The following RCAN2 variants were observed in gnomAD, a reference collection of about 807,000 sequenced individuals.
RCAN2 encodes the protein calcipressin-2.
RCAN2 carries 9 observed loss-of-function variants against 23.6 expected under a neutral mutation model. That is an observed-to-expected ratio of 0.38 (90% confidence interval 0.23 to 0.67). The LOEUF (loss-of-function observed/expected upper bound fraction) is 0.67. RCAN2 is among the 30% of genes least tolerant of loss of function. The pLI is 0.51. For missense variants in RCAN2, 273 were observed against 302.3 expected, an observed-to-expected ratio of 0.90 and a Z score of 0.72; for synonymous variants, 109 against 115.7, an observed-to-expected ratio of 0.94 and a Z score of 0.37.
In RCAN2 at chr6:46,350,145, T is replaced by G. The variant is rs966761053; in HGVS notation, c.226-101249A>C. ...CCACGAGGGCAGGAACAATGATGGT[T>G]ACTGTCAGTGCAGCATCCCCAGCAA... On this transcript the variant is annotated intron_variant, in intron 2 of 4. Transcript: ENST00000371374. 2.6e-5 allele frequency among the ~76,000 whole-genome samples: 4 copies of G among 152,342 alleles called. No individual in the cohort carries two copies. In the East Asian group the frequency reaches 5.8e-4, roughly 22 times the overall value.
intron 2 of RCAN2, among the ~76,000 whole-genome samples, chr6:46,326,381 C>T (rs1446799059): frequency 3.3e-5 from 5 of 152,206 alleles, no homozygotes; most frequent in Admixed American, 6.5e-5. Context: ...ACTGATGTGT[C>T]TCAGAGCTTG....
intron 2 of RCAN2, among the ~76,000 whole-genome samples, chr6:46,421,318 G>A (rs1285547306): frequency 6.6e-6 from 1 of 152,122 alleles, no homozygotes; most frequent in Non-Finnish European, 1.5e-5. Context: ...CTGGGGCAGT[G>A]GGAACAACTG....
At chr6:46,353,384 T>C (rs527341857) in intron 2 of RCAN2, among the ~76,000 whole-genome samples, 2 of 152,262 alleles carry the variant, frequency 1.3e-5, no homozygotes, top group South Asian at 4.2e-4. Flanking sequence ...GAACTTGAGA[T>C]ACCAGTATCT....
intron 4 of RCAN2, among the ~76,000 whole-genome samples, chr6:46,236,774 T>C (rs1173948114): frequency 1.3e-5 from 2 of 152,240 alleles, no homozygotes. Flanking sequence ...ATCTATCCTC[T>C]TATCAGCATT....
At chr6:46,278,578 C>G (rs909853521) in intron 2 of RCAN2, among the ~76,000 whole-genome samples, 1 of 152,218 alleles carries the variant, frequency 6.6e-6, no homozygotes, top group African/African-American at 2.4e-5. Context: ...CTATAAACCA[C>G]TTTCCATTAT....
chr6:46,406,705 T>G (rs1766415718), intron 2 of RCAN2, among the ~76,000 whole-genome samples: 1 of 152,256 alleles, frequency 6.6e-6, no homozygotes, highest in Admixed American at 6.5e-5. Context: ...CAGTGAACAC[T>G]TTGAAAGACC....
intron 2 of RCAN2, among the ~76,000 whole-genome samples, chr6:46,272,301 A>G (rs1268099125): frequency 2.0e-5 from 3 of 152,212 alleles, no homozygotes; most frequent in Non-Finnish European, 4.4e-5. Flanking sequence ...AGGGCGTTCT[A>G]CTTCTACCTG....
chr6:46,228,787 T>C (rs1387352280), intron 4 of RCAN2, among the ~76,000 whole-genome samples: 1 of 152,226 alleles, frequency 6.6e-6, no homozygotes, highest in East Asian at 1.9e-4. Flanking sequence ...TTAACATTGT[T>C]ATGTGTGAAT....
intron 2 of RCAN2, among the ~76,000 whole-genome samples, chr6:46,386,084 A>G (rs1283991769): frequency 2.0e-5 from 3 of 152,132 alleles, no homozygotes; most frequent in Non-Finnish European, 4.4e-5. Flanking sequence ...CGAGCAGGCA[A>G]CCTAGAGAAC....
chr6:46,310,218 C>T lies in RCAN2; in HGVS notation c.226-61322G>A, dbSNP rs568642131. Among the ~76,000 whole-genome samples the T allele has an allele frequency of 2.6e-5, 4 of 152,056 alleles. No homozygotes were observed. The South Asian group carries it at 8.3e-4, about 32-fold the overall frequency. On this transcript the variant is annotated intron_variant, in intron 2 of 4. Transcript: ENST00000371374. ...AGTAAAGATGGGTTCAGATTCCATG[C>T]CTGAGTAATGACAATAATTGCCTGG...
intron 2 of RCAN2, among the ~76,000 whole-genome samples, chr6:46,341,550 C>T (rs1279770400): frequency 6.6e-6 from 1 of 152,118 alleles, no homozygotes; most frequent in Non-Finnish European, 1.5e-5. Flanking sequence ...TGTAATCCCA[C>T]CACTTTGGGA....
intron 2 of RCAN2, among the ~76,000 whole-genome samples, chr6:46,331,678 T>C (rs1255073650): frequency 6.6e-6 from 1 of 152,236 alleles, no homozygotes; most frequent in African/African-American, 2.4e-5. Flanking sequence ...TATTTTAAGA[T>C]ATCAATCTAG....
intron 2 of RCAN2, among the ~76,000 whole-genome samples, chr6:46,264,231 A>C (rs1467623128): frequency 2.6e-5 from 4 of 152,250 alleles, no homozygotes; most frequent in Non-Finnish European, 5.9e-5. Context: ...GCTAAATCCT[A>C]AATATGTTCC....
intron 2 of RCAN2, among the ~76,000 whole-genome samples, chr6:46,329,853 C>T (rs1393438301): frequency 3.9e-5 from 6 of 152,200 alleles, no homozygotes. Context: ...CCCTTCAGTT[C>T]AGGCAATTCT....
chr6:46,306,825 A>T (rs1468631382), intron 2 of RCAN2, among the ~76,000 whole-genome samples: 1 of 152,096 alleles, frequency 6.6e-6, no homozygotes, highest in Admixed American at 6.6e-5. Context: ...CCCTAATCAT[A>T]AGTCCCCTTG....
At chr6:46,294,224 A>G (rs1762650191) in intron 2 of RCAN2, among the ~76,000 whole-genome samples, 1 of 152,220 alleles carries the variant, frequency 6.6e-6, no homozygotes. Flanking sequence ...GGAATTTAAA[A>G]ATAGCAAGTA....
intron 2 of RCAN2, among the ~76,000 whole-genome samples, chr6:46,403,890 AT>A (rs938084943): frequency 1.3e-5 from 2 of 152,140 alleles, no homozygotes; most frequent in Non-Finnish European, 2.9e-5. Flanking sequence ...TTGGATCCTC[AT>A]TTGTGTCATA....
intron 2 of RCAN2, among the ~76,000 whole-genome samples, chr6:46,271,173 T>C (rs2150332975): frequency 6.6e-6 from 1 of 152,302 alleles, no homozygotes; most frequent in African/African-American, 2.4e-5. Flanking sequence ...TGTCCATCCA[T>C]CTATTTAATG....
chr6:46,412,753 A>C (rs1003897984), intron 2 of RCAN2, among the ~76,000 whole-genome samples: 3 of 152,216 alleles, frequency 2.0e-5, no homozygotes, highest in African/African-American at 7.2e-5. Flanking sequence ...GAGCTGTCTT[A>C]GTGGAAGAGC....
Sources: allele counts gnomAD v4.1 joint callset (sites outside exome capture counted in the v4.1 genomes callset), GRCh38; gene constraint gnomAD v4.1.1; transcripts MANE v1.5; gene names NCBI Gene and HGNC (gene_info 2026-07-23, HGNC 2026-07-21).